Variants in CYP4Z1 observed in about 807,000 individuals in gnomAD.
CYP4Z1 encodes cytochrome P450 4Z1.
CYP4Z1 carries 41 observed loss-of-function variants against 54.2 expected under a neutral mutation model. The ratio of observed to expected loss-of-function variants is 0.76; its 90% CI spans 0.59 to 0.98. The LOEUF (loss-of-function observed/expected upper bound fraction) is 0.98. Ranked by LOEUF, CYP4Z1 falls within the 50% of genes least tolerant of loss-of-function variation. The pLI is 0.00. For missense variants in CYP4Z1, 513 were observed against 599.0 expected (o/e 0.86, Z 1.50); for synonymous variants, 163 against 206.2 (o/e 0.79, Z 1.79).
intron 9 of CYP4Z1, among the ~76,000 whole-genome samples, chr1:47,114,380 C>G (rs1644814635): frequency 6.6e-6 from 1 of 152,084 alleles, no homozygotes; most frequent in African/African-American, 2.4e-5. Context: ...AGGACATAGG[C>G]ATGGGCAAGG....
At chr1:47,086,474 T>C (rs1176333397) in intron 6 of CYP4Z1, among the ~76,000 whole-genome samples, 2 of 152,276 alleles carry the variant, frequency 1.3e-5, no homozygotes, top group Non-Finnish European at 2.9e-5. Flanking sequence ...ATGTGTCTGT[T>C]GGCTGCACAA....
chr1:47,115,202 A>G (rs1204976553), intron 9 of CYP4Z1, among the ~76,000 whole-genome samples: 1 of 152,152 alleles, frequency 6.6e-6, no homozygotes, highest in Non-Finnish European at 1.5e-5. Flanking sequence ...AAGGACAAAA[A>G]ACCAAACGCC....
intron 4 of CYP4Z1, among the ~76,000 whole-genome samples, chr1:47,083,869 T>C (rs1052559901): frequency 1.3e-5 from 2 of 152,162 alleles, no homozygotes; most frequent in African/African-American, 4.8e-5. Flanking sequence ...CTACTCTTCT[T>C]GGCTCCATGA....
rs549843969 is a variant in CYP4Z1 at position 47,088,552 on chromosome 1, A to AT, written c.772+3583dup. On this transcript the variant is annotated intron_variant, in intron 6 of 11. Coordinates refer to ENST00000334194, the MANE Select transcript of CYP4Z1 (RefSeq NM_178134.3). The stretch of plus-strand genomic sequence containing the variant: ...GGATTGGTGGTGACATCCCTTTATC[A>AT]TTTTTTTTTCGTCTATTTGATTCTT... Among the ~76,000 whole-genome samples the AT allele has an allele frequency of 4.2e-3, 604 of 144,192 alleles. 4 individuals are homozygous for AT. Among genetic ancestry groups the AT allele is most frequent in the African/African-American group, 0.014 (556 of 39,372 alleles). The allele number at this position is 144,192 out of a possible 152,430, so 94.6% of individuals were successfully genotyped here.
intron 11 of CYP4Z1, among the ~76,000 whole-genome samples, chr1:47,117,147 T>C (rs1644836212): frequency 6.6e-6 from 1 of 152,168 alleles, no homozygotes; most frequent in Non-Finnish European, 1.5e-5. Flanking sequence ...GACACCCGAT[T>C]TACCAAATGA....
intron 9 of CYP4Z1, among the ~76,000 whole-genome samples, chr1:47,114,785 G>A (rs1569764163): frequency 1.3e-5 from 2 of 152,144 alleles, no homozygotes; most frequent in African/African-American, 4.8e-5. Flanking sequence ...TCATTAAAAA[G>A]TCAGGAAACA....
At chr1:47,069,577 T>C (rs1557620421) in intron 2 of CYP4Z1, among the ~76,000 whole-genome samples, 1 of 151,678 alleles carries the variant, frequency 6.6e-6, no homozygotes, top group Non-Finnish European at 1.5e-5. Context: ...GCTCTCACCT[T>C]TGGACCTTTG....
At chr1:47,098,143 A>T (rs1232472102) in intron 7 of CYP4Z1, among the ~76,000 whole-genome samples, 1 of 152,160 alleles carries the variant, frequency 6.6e-6, no homozygotes, top group Non-Finnish European at 1.5e-5. Flanking sequence ...AGTTTTTTCT[A>T]ATTCTATGAA....
intron 4 of CYP4Z1, 140 bp from the exon 5 acceptor site, chr1:47,084,480 T>C: frequency 8.7e-7 from 1 of 1,154,272 alleles, no homozygotes; most frequent in Non-Finnish European, 1.2e-6. Flanking sequence ...TTTCATTTTA[T>C]ATGGTTGTCA....
chr1:47,102,685 T>A (rs1057155139), intron 8 of CYP4Z1, among the ~76,000 whole-genome samples: 12 of 152,228 alleles, frequency 7.9e-5, no homozygotes, highest in African/African-American at 2.9e-4. Flanking sequence ...AGAAATCTAC[T>A]GTTAGCCTAA....
chr1:47,101,319 C>G (rs980339915), intron 8 of CYP4Z1, among the ~76,000 whole-genome samples: 2 of 131,784 alleles, frequency 1.5e-5, no homozygotes, highest in South Asian at 2.7e-4. Flanking sequence ...TGTTTTTCTA[C>G]TTCCTAGAGG....
chr1:47,114,366 A>G (rs1194301832), intron 9 of CYP4Z1, among the ~76,000 whole-genome samples: 1 of 152,176 alleles, frequency 6.6e-6, no homozygotes, highest in Non-Finnish European at 1.5e-5. Context: ...AGGCAATACC[A>G]TTCAGGACAT....
the CYP4Z1 span, among the ~76,000 whole-genome samples, chr1:47,062,084 G>T: frequency 6.6e-6 from 1 of 152,118 alleles, no homozygotes; most frequent in African/African-American, 2.4e-5. Flanking sequence ...ATAATGAATG[G>T]GGAAAAGATG....
intron 6 of CYP4Z1, among the ~76,000 whole-genome samples, chr1:47,092,499 G>A (rs1281700514): frequency 6.6e-6 from 1 of 151,090 alleles, no homozygotes; most frequent in Non-Finnish European, 1.5e-5. Flanking sequence ...ACAGTTTAGA[G>A]TAATTGAGAG....
At chr1:47,078,132 T>C (rs1402519732) in intron 2 of CYP4Z1, among the ~76,000 whole-genome samples, 1 of 152,208 alleles carries the variant, frequency 6.6e-6, no homozygotes, top group Non-Finnish European at 1.5e-5. Flanking sequence ...CAACTTAGTT[T>C]TCCCTCTTTG....
intron 7 of CYP4Z1, chr1:47,097,257 G>A (rs1461173945): frequency 6.6e-6 from 1 of 152,128 alleles, no homozygotes; most frequent in Non-Finnish European, 1.5e-5. Flanking sequence ...ATTGTGAATA[G>A]TGCTGCAGTG....
chr1:47,066,418 C>T (rs954054208), upstream of CYP4Z1, among the ~76,000 whole-genome samples: 5 of 152,088 alleles, frequency 3.3e-5, no homozygotes, highest in African/African-American at 1.2e-4. Flanking sequence ...AAAACAAAAC[C>T]ACATGATCAT....
chr1:47,095,475 T>C (rs1034721837), intron 7 of CYP4Z1, among the ~76,000 whole-genome samples: 3 of 152,186 alleles, frequency 2.0e-5, no homozygotes, highest in Non-Finnish European at 4.4e-5. Flanking sequence ...ACAACTATTG[T>C]TGCACACCAG....
chr1:47,058,644 A>T, the CYP4Z1 span, among the ~76,000 whole-genome samples: 63,900 of 151,840 alleles, frequency 0.42, 14,825 homozygotes, highest in East Asian at 0.97. Context: ...CTCTCTCCTT[A>T]TCTTTCTCTC....
Sources: gnomAD v4.1 joint callset for allele counts (sites outside exome capture counted in the v4.1 genomes callset) on GRCh38, gnomAD v4.1.1 for gene constraint, MANE v1.5 for transcripts, NCBI Gene and HGNC (gene_info 2026-07-23, HGNC 2026-07-21) for gene names.